LY75: variants seen among roughly 807,000 people sequenced by gnomAD.
The protein encoded by LY75 is lymphocyte antigen 75.
A neutral mutation model predicts 231.7 loss-of-function variants in LY75; 185 were observed. The observed-to-expected ratio is 0.80, with a 90% CI of 0.71 to 0.90. The LOEUF is 0.90. Among genes scored for constraint, LY75 ranks in the 40% least tolerant of loss-of-function variants. The pLI is 0.00. For missense variants in LY75, 1,947 were observed against 2,050.2 expected (o/e 0.95, Z 0.97); for synonymous variants, 668 against 689.0 (o/e 0.97, Z 0.48).
chr2:159,874,244 T>TTGTAAATATATATAC (rs1685127046), intron 12 of LY75, among the ~76,000 whole-genome samples: 1 of 123,424 alleles, frequency 8.1e-6, no homozygotes, highest in African/African-American at 3.0e-5. Context: ...AATATATATA[T>TTGTAAATATATATAC]TGTAAATATA....
At chr2:159,848,089 T>TACACACACACACACACACAC (rs1560079271) in intron 23 of LY75, among the ~76,000 whole-genome samples, 2 of 45,110 alleles carry the variant, frequency 4.4e-5, no homozygotes, top group African/African-American at 9.2e-5. Flanking sequence ...TATATATATA[T>TACACACACACACACACACAC]ATATACACAC....
chr2:159,834,280 A>T (rs192400345), intron 26 of LY75, 69 bp from the exon 27 acceptor site: 24 of 1,581,188 alleles, frequency 1.5e-5, no homozygotes. Flanking sequence ...TGCAGTCATT[A>T]GGCTTGATTT....
In LY75 at chr2:159,815,593, G is replaced by A. The variant is rs1160446849; in HGVS notation, c.4381-20C>T. 3 of 1,600,666 alleles carry A rather than the reference G, an allele frequency of 1.9e-6. No individual in the cohort carries two copies. The highest frequency in any genetic ancestry group is 8.5e-7 in the Non-Finnish European group (1 of 1,176,614). ...ACTTCCCTGTTGTAAGAACAATAGAGATAACCTGAATCCAGATGTTTGACT... is the reference window on the plus strand; with the variant it reads ...ACTTCCCTGTTGTAAGAACAATAGAAATAACCTGAATCCAGATGTTTGACT... On this transcript the variant is annotated intron_variant, in intron 30 of 34. Coordinates refer to ENST00000263636, the MANE Select transcript of LY75 (RefSeq NM_002349.4).
intron 1 of LY75, chr2:159,902,991 C>T (rs1686123699): frequency 6.6e-6 from 1 of 152,266 alleles, no homozygotes; most frequent in Non-Finnish European, 1.5e-5. Flanking sequence ...TCACCAGCAT[C>T]ATGAAGCGGA....
intron 1 of LY75, among the ~76,000 whole-genome samples, chr2:159,900,666 G>A (rs1686048237): frequency 6.6e-6 from 1 of 152,216 alleles, no homozygotes; most frequent in Non-Finnish European, 1.5e-5. Context: ...AAGTCTCACT[G>A]CAGCTTGAAC....
intron 1 of LY75, among the ~76,000 whole-genome samples, chr2:159,900,798 C>T (rs189339497): frequency 1.1e-3 from 174 of 152,250 alleles, no homozygotes; most frequent in African/African-American, 4.0e-3. Flanking sequence ...AAGTATTCCA[C>T]AGGATTGCAG....
At chr2:159,841,031 T>C in intron 24 of LY75, 76 bp from the exon 25 acceptor site, 4 of 1,566,710 alleles carry the variant, frequency 2.6e-6, no homozygotes, top group Non-Finnish European at 2.6e-6. Context: ...TTTTTTCACA[T>C]TTCTCCCCAT....
intron 28 of LY75, 72 bp from the exon 29 acceptor site, chr2:159,819,992 T>C: frequency 5.0e-6 from 7 of 1,411,388 alleles, no homozygotes; most frequent in Non-Finnish European, 6.6e-6. Flanking sequence ...ACAGTTAAGA[T>C]TTCAAACTTG....
At chr2:159,858,234 T>C (rs766817963) in intron 16 of LY75, 128 bp downstream of exon 16, 33 of 1,179,532 alleles carry the variant, frequency 2.8e-5, no homozygotes, top group Non-Finnish European at 3.6e-5. Flanking sequence ...CTCCACATAT[T>C]AATTGCATCA....
rs767156934 is a variant in LY75, at chr2:159,815,569, C to A, written c.4385G>T (p.Ser1462Ile). The A allele has an allele frequency of 6.2e-6, 10 of 1,611,894 alleles. No individual in the cohort carries two copies. In the South Asian group the frequency reaches 1.1e-4, roughly 18 times the overall value. ...LWVGLSSHDGSESSFEWSDGS... is the reference protein window; with the variant it reads ...LWVGLSSHDGIESSFEWSDGS... ...ATCAGACCATTCAAAACTTGATTCA[C>A]TTCCCTGTTGTAAGAACAATAGAGA... The change falls in exon 31 of 35, where the codon AGT (serine) becomes ATT (isoleucine). Residue 1462 changes from serine (S) to isoleucine (I), a missense_variant. Transcript: ENST00000263636.
At position 159,850,791 on chromosome 2, in the gene LY75, T is replaced by TATATATATATATATATAAAA. The variant is rs1341394980; in HGVS notation, c.2884-325_2884-324insTTTTATATATATATATATAT. Among the ~76,000 whole-genome samples the TATATATATATATATATAAAA allele has an allele frequency of 3.6e-4, 34 of 94,390 alleles. 1 individual carries two copies. Among genetic ancestry groups the TATATATATATATATATAAAA allele is most frequent in the Non-Finnish European group, 5.9e-4 (26 of 43,710 alleles). 61.9% of individuals were successfully genotyped at this position (94,390 alleles called of 152,430 possible). A position where few individuals can be genotyped will look rare whatever the true frequency, so the allele number is the denominator to read the frequency against. On this transcript the variant is annotated intron_variant, in intron 21 of 34. Coordinates refer to ENST00000263636, the MANE Select transcript of LY75 (RefSeq NM_002349.4). ...AAACTTTCATATATATATATATATATATATATATTATATCTTATATATAAG... is the reference window on the plus strand; with the variant it reads ...AAACTTTCATATATATATATATATATATATATATATATATATAAAAATATATATTATATCTTATATATAAG...
chr2:159,853,349 T>C lies in LY75; in HGVS notation c.2667A>G (p.Ser889=). The C allele has an allele frequency of 6.2e-7, 1 of 1,613,016 alleles. No homozygotes were observed. The highest frequency in any genetic ancestry group is 8.5e-7 in the Non-Finnish European group (1 of 1,179,184). The part of the protein sequence containing the change: ...EWPIDDHFTY[S]RYPWHRFPVT... ...CAGGAAAGCGGTGCCATGGATATCG[T>C]GAGCTAAAAGAAAATGACAGATTTG... Residue 889 remains serine, a synonymous_variant, in exon 20 of 35, where the codon TCA becomes TCG. Coordinates refer to ENST00000263636, the MANE Select transcript of LY75 (RefSeq NM_002349.4).
At chr2:159,842,212 A>G (rs1684056392) in intron 24 of LY75, 33 bp downstream of exon 24, 1 of 1,591,232 alleles carries the variant, frequency 6.3e-7, no homozygotes, top group South Asian at 1.1e-5. Context: ...TAATAGCATA[A>G]AGTACCATAG....
chr2:159,860,949 A>C, intron 14 of LY75, 60 bp from the exon 15 acceptor site: 1 of 1,602,738 alleles, frequency 6.2e-7, no homozygotes, highest in Non-Finnish European at 8.5e-7. Context: ...TGCAATTTAG[A>C]TGTAATTTAG....
Position 159,864,809 on chromosome 2 carries a change from A to C in LY75, c.2199+30T>G, listed in dbSNP as rs145606290. The C allele has an allele frequency of 3.7e-5, 57 of 1,522,694 alleles. No homozygotes were observed. The East Asian group carries it at 1.2e-3, about 33-fold the overall frequency. The allele number at this position is 1,522,694 out of a possible 1,614,324, so 94.3% of individuals were successfully genotyped here. ...TTATTGAAACAAACAGTGTTTCCAT[A>C]CTACCTAAAACAATAACGTTTTAAC... On this transcript the variant is annotated intron_variant, in intron 14 of 34. Coordinates refer to ENST00000263636, the MANE Select transcript of LY75 (RefSeq NM_002349.4).
At chr2:159,861,000 G>A (rs1684684928) in intron 14 of LY75, 111 bp from the exon 15 acceptor site, 1 of 1,132,676 alleles carries the variant, frequency 8.8e-7, no homozygotes, top group Non-Finnish European at 1.3e-6. Flanking sequence ...GCCACAGAAA[G>A]AAAACTTTTC....
chr2:159,848,564 T>C (rs558314016), intron 23 of LY75, among the ~76,000 whole-genome samples: 7 of 152,270 alleles, frequency 4.6e-5, no homozygotes, highest in Non-Finnish European at 7.4e-5. Flanking sequence ...AAAAAGCTTA[T>C]CAAGTAGATC....
Position 159,854,988 on chromosome 2 carries a change from G to A in LY75, c.2384-49C>T, listed in dbSNP as rs766628909. On this transcript the variant is annotated intron_variant, in intron 16 of 34. Transcript: ENST00000263636. ...GCATTAGTATTCCATGACAGATCAG[G>A]GTATACTATAAGTACGGCCTTTAAT... 2.5e-6 allele frequency: 4 copies of A among 1,609,986 alleles called. No homozygotes were observed. In the Admixed American group the frequency reaches 5.0e-5, roughly 20 times the overall value.
At position 159,805,140 on chromosome 2, in the gene LY75, G is replaced by A. The variant is rs1330389664; in HGVS notation, c.5073C>T (p.Phe1691=). 2 of 1,614,132 alleles carry A rather than the reference G, an allele frequency of 1.2e-6. No homozygotes were observed. Among genetic ancestry groups the A allele is most frequent in the South Asian group, 2.2e-5 (2 of 91,076 alleles). Reference sequence around the variant, plus strand: ...CCGCCAGGTGCAAACGGTGCCTTTGGAAGAGGAACCAAATCAGTCCGCCCA... The same window carrying A: ...CCGCCAGGTGCAAACGGTGCCTTTGAAAGAGGAACCAAATCAGTCCGCCCA... ...VLMGGLIWFL[F]QRHRLHLAGF... Residue 1691 remains phenylalanine, a synonymous_variant, in exon 35 of 35, where the codon TTC becomes TTT. Transcript: ENST00000263636.
Sources: gnomAD v4.1 joint callset for allele counts (sites outside exome capture counted in the v4.1 genomes callset) on GRCh38, gnomAD v4.1.1 for gene constraint, MANE v1.5 for transcripts, NCBI Gene and HGNC (gene_info 2026-07-23, HGNC 2026-07-21) for gene names.